Variants in MTMR3 observed in about 807,000 individuals in gnomAD.
MTMR3 encodes myotubularin related protein 3.
Under a neutral mutation model 132.4 loss-of-function variants are expected in MTMR3, and 32 were observed. The ratio of observed to expected loss-of-function variants is 0.24; its 90% CI spans 0.18 to 0.32. The LOEUF (loss-of-function observed/expected upper bound fraction) is 0.32. MTMR3 is among the 10% of genes least tolerant of loss of function. MTMR3 has a pLI of 1.00. For synonymous variants in MTMR3, 556 were observed against 550.3 expected, an observed-to-expected ratio of 1.01 and a Z score of -0.14; for missense variants, 1,216 against 1,489.6, an observed-to-expected ratio of 0.82 and a Z score of 3.02.
intron 1 of MTMR3, among the ~76,000 whole-genome samples, chr22:29,949,456 A>G (rs2066028771): frequency 6.7e-6 from 1 of 149,048 alleles, no homozygotes; most frequent in East Asian, 2.0e-4. Context: ...AGATCATGCC[A>G]CTGCACTCAA....
chr22:30,013,459 C>G lies in MTMR3; in HGVS notation c.1421C>G (p.Pro474Arg). The G allele has an allele frequency of 6.2e-7, 1 of 1,614,132 alleles. No individual in the cohort carries two copies. The highest frequency in any genetic ancestry group is 8.5e-7 in the Non-Finnish European group (1 of 1,180,014). ...ENSDDLNERC[P>R]VFLQWLDCVH... ...TCGGATGATCTGAATGAACGTTGCCCAGTGTTTCTGCAGTGGCTTGACTGT... is the reference window on the plus strand; with the variant it reads ...TCGGATGATCTGAATGAACGTTGCCGAGTGTTTCTGCAGTGGCTTGACTGT... Residue 474 changes from proline to arginine, a missense_variant, in exon 14 of 20, where the codon CCA becomes CGA. Physicochemically the swap from Pro to Arg is moderately radical, Grantham distance 103. Around this residue, in one of 7 missense-constraint regions of MTMR3, gnomAD observed 106 missense variants for 209.5 expected, o/e 0.51. Coordinates refer to ENST00000401950, the MANE Select transcript of MTMR3 (RefSeq NM_021090.4).
chr22:29,890,343 C>T (rs1050323077), intron 1 of MTMR3, among the ~76,000 whole-genome samples: 27 of 151,976 alleles, frequency 1.8e-4, no homozygotes, highest in African/African-American at 6.0e-4. Context: ...ATGGTAAAAC[C>T]CCGTCTCTAC....
intron 3 of MTMR3, among the ~76,000 whole-genome samples, chr22:29,973,288 G>A (rs2066570643): frequency 6.6e-6 from 1 of 152,176 alleles, no homozygotes. Flanking sequence ...TTCATGTTTT[G>A]TGGAAAATCT....
At chr22:29,957,131 A>T (rs73398637) in intron 2 of MTMR3, 43 bp downstream of exon 2, 1 of 151,124 alleles carries the variant, frequency 6.6e-6, no homozygotes, top group Admixed American at 6.6e-5. Context: ...CCCCCCTCCA[A>T]TACTCTCTCT....
chr22:29,989,707 T>A (rs1040621505), intron 6 of MTMR3: 1 of 152,156 alleles, frequency 6.6e-6, no homozygotes, highest in African/African-American at 2.4e-5. Context: ...CTTTTCAGGG[T>A]ATTGTATTAC....
At chr22:30,018,112 G>T in intron 16 of MTMR3, 40 bp downstream of exon 16, 1 of 1,557,232 alleles carries the variant, frequency 6.4e-7, no homozygotes. Context: ...CAGCCTGTGT[G>T]GGTGTATTCC....
intron 1 of MTMR3, among the ~76,000 whole-genome samples, chr22:29,884,707 T>C (rs1343416595): frequency 6.6e-6 from 1 of 151,926 alleles, no homozygotes; most frequent in Non-Finnish European, 1.5e-5. Flanking sequence ...GGATTACAAG[T>C]GTGCGCCACC....
chr22:30,023,404 C>G, intron 19 of MTMR3: 1 of 1,603,640 alleles, frequency 6.2e-7, no homozygotes, highest in Non-Finnish European at 8.5e-7. Flanking sequence ...GCACCCCAAG[C>G]CCAGATATCT....
At position 29,978,869 on chromosome 22, in the gene MTMR3, A is replaced by G. The variant is rs142882069; in HGVS notation, c.94-67A>G. The G allele has an allele frequency of 5.6e-4, 660 of 1,178,224 alleles. 9 individuals are homozygous for G. In the African/African-American group the frequency reaches 9.5e-3, roughly 17 times the overall value. The allele number at this position is 1,178,224 out of a possible 1,614,324, so 73.0% of individuals were successfully genotyped here. On this transcript the variant is annotated intron_variant, in intron 4 of 19. Coordinates refer to ENST00000401950, the MANE Select transcript of MTMR3 (RefSeq NM_021090.4). ...AGAGGATTTACCATCCATTCAGCCAACTGATGTTTGAAGCTTTTTTTTTTT... is the reference window on the plus strand; with the variant it reads ...AGAGGATTTACCATCCATTCAGCCAGCTGATGTTTGAAGCTTTTTTTTTTT...
chr22:29,957,940 T>C (rs1776974288), intron 2 of MTMR3, among the ~76,000 whole-genome samples: 1 of 152,160 alleles, frequency 6.6e-6, no homozygotes, highest in African/African-American at 2.4e-5. Context: ...TCTGTCACTG[T>C]TTCTAATTTA....
Position 29,915,711 on chromosome 22 carries a change from A to G in MTMR3, c.-138+32352A>G, listed in dbSNP as rs7291832. On this transcript the variant is annotated intron_variant, in intron 1 of 19. Coordinates refer to ENST00000401950, the MANE Select transcript of MTMR3 (RefSeq NM_021090.4). ...AGTGCTGGGATTACAGGTGTGAGCC[A>G]CTGCGCCCGGCTGACAGTCTCCTTT... Among the ~76,000 whole-genome samples the G allele has an allele frequency of 4.5e-3, 678 of 152,280 alleles. 5 individuals carry two copies. Among genetic ancestry groups the G allele is most frequent in the African/African-American group, 0.015 (641 of 41,560 alleles).
At chr22:29,990,734 C>T (rs998406337) in intron 6 of MTMR3, 2 of 152,132 alleles carry the variant, frequency 1.3e-5, no homozygotes, top group African/African-American at 4.8e-5. Context: ...GTGCACGCCA[C>T]CACACCTGGC....
In MTMR3 at chr22:29,974,344, A is replaced by G. The variant is rs181308518; in HGVS notation, c.3+3282A>G. 2.6e-3 allele frequency among the ~76,000 whole-genome samples: 403 copies of G among 152,320 alleles called. 2 individuals carry two copies. Among genetic ancestry groups the G allele is most frequent in the African/African-American group, 9.3e-3 (385 of 41,578 alleles). On this transcript the variant is annotated intron_variant, in intron 3 of 19. Coordinates refer to ENST00000401950, the MANE Select transcript of MTMR3 (RefSeq NM_021090.4). ...CTGCTAAATTCAACTGTTCAGCCAC[A>G]TGGGATCACCAGTCCCCTAGATTCA...
At chr22:30,008,971 C>T in intron 11 of MTMR3, 47 bp from the exon 12 acceptor site, 1 of 1,368,546 alleles carries the variant, frequency 7.3e-7, no homozygotes, top group East Asian at 2.3e-5. Flanking sequence ...GCCATGTGGG[C>T]TTTAAGTTCA....
At chr22:29,898,410 A>G (rs1051599068) in intron 1 of MTMR3, among the ~76,000 whole-genome samples, 2 of 152,074 alleles carry the variant, frequency 1.3e-5, no homozygotes, top group Non-Finnish European at 2.9e-5. Context: ...CTAGATAGTT[A>G]TAAGTTTTTT....
chr22:29,956,968 G>C (rs1185850098), intron 1 of MTMR3, 68 bp from the exon 2 acceptor site: 3 of 152,254 alleles, frequency 2.0e-5, no homozygotes, highest in African/African-American at 7.2e-5. Flanking sequence ...CTTGTGGGGA[G>C]ATCTAAGTGG....
chr22:29,908,070 G>T (rs2065137648), intron 1 of MTMR3, among the ~76,000 whole-genome samples: 2 of 152,218 alleles, frequency 1.3e-5, no homozygotes, highest in East Asian at 3.9e-4. Flanking sequence ...TGGTATATAG[G>T]TAGGAAGGAC....
rs374816771 is a variant in MTMR3, at chr22:29,920,106, C to T, written c.-138+36747C>T. Among the ~76,000 whole-genome samples, 40 of 151,498 alleles carry T rather than the reference C, an allele frequency of 2.6e-4. No homozygotes were observed. In the East Asian group the frequency reaches 6.2e-3, roughly 24 times the overall value. On this transcript the variant is annotated intron_variant, in intron 1 of 19. Coordinates refer to ENST00000401950, the MANE Select transcript of MTMR3 (RefSeq NM_021090.4). ...GCACGTGCCTGTAGTCCCAGCTACT[C>T]GGGAGGCTGAGGCAGGAGAATCGCT... is the stretch of plus-strand genomic sequence containing the variant.
intron 1 of MTMR3, among the ~76,000 whole-genome samples, chr22:29,923,243 AT>A (rs1232913282): frequency 1.6e-4 from 22 of 138,802 alleles, no homozygotes; most frequent in Admixed American, 3.6e-4. Context: ...TTTATTTTTT[AT>A]TTTTTTTTTA....
Sources: gnomAD v4.1 joint callset for allele counts (sites outside exome capture counted in the v4.1 genomes callset) on GRCh38, gnomAD v4.1.1 for gene constraint, gnomAD v4.1.1 regional missense constraint, MANE v1.5 for transcripts, NCBI Gene and HGNC (gene_info 2026-07-23, HGNC 2026-07-21) for gene names.